Variants in DRC8 observed in about 807,000 individuals in gnomAD.
The protein encoded by DRC8 is dynein regulatory complex subunit 8, also known as dynein regulatory complex protein 8.
chr1:245,105,951 T>C, the DRC8 span, among the ~76,000 whole-genome samples: 3 of 152,154 alleles, frequency 2.0e-5, no homozygotes, highest in African/African-American at 7.2e-5. Flanking sequence ...TGGTGGCACA[T>C]GCCTGTAGTC....
the DRC8 span, among the ~76,000 whole-genome samples, chr1:245,065,170 A>C: frequency 7.4e-6 from 1 of 135,148 alleles, no homozygotes; most frequent in Non-Finnish European, 1.5e-5. Flanking sequence ...CAAATGATCT[A>C]CCTGCCTTGG....
At chr1:245,112,973 C>T in the DRC8 span, among the ~76,000 whole-genome samples, 11 of 152,008 alleles carry the variant, frequency 7.2e-5, no homozygotes, top group African/African-American at 2.2e-4. Context: ...AGGTTGGTCT[C>T]GAACTCCTGA....
chr1:245,019,827 T>A, the DRC8 span, among the ~76,000 whole-genome samples: 1 of 152,196 alleles, frequency 6.6e-6, no homozygotes, highest in East Asian at 1.9e-4. Context: ...TAGCTGGGCA[T>A]GGTGGTGTGC....
At chr1:245,118,795 A>AAAAAGAAAG in the DRC8 span, among the ~76,000 whole-genome samples, 1 of 138,484 alleles carries the variant, frequency 7.2e-6, no homozygotes, top group Non-Finnish European at 1.5e-5. Context: ...GCCATCTCAA[A>AAAAAGAAAG]AAAAGAAAAG....
At chr1:245,004,676 C>T in the DRC8 span, among the ~76,000 whole-genome samples, 1 of 152,190 alleles carries the variant, frequency 6.6e-6, no homozygotes, top group Admixed American at 6.5e-5. Flanking sequence ...CTCCCCTTAA[C>T]GTGTGTGCCA....
the DRC8 span, among the ~76,000 whole-genome samples, chr1:245,021,748 C>T: frequency 6.6e-6 from 1 of 152,126 alleles, no homozygotes; most frequent in African/African-American, 2.4e-5. Flanking sequence ...ATTTTATGTT[C>T]TTAAAGTAAA....
chr1:245,053,799 T>C, the DRC8 span, among the ~76,000 whole-genome samples: 1 of 152,096 alleles, frequency 6.6e-6, no homozygotes, highest in South Asian at 2.1e-4. Flanking sequence ...GAGAAGAGGA[T>C]GGTGATGGGT....
At chr1:245,087,650 T>C in the DRC8 span, 1 of 1,045,424 alleles carries the variant, frequency 9.6e-7, no homozygotes, top group African/African-American at 1.7e-5. Context: ...CACCTTCGAA[T>C]TAATTAAGCT....
chr1:244,974,008 A>T, the DRC8 span, among the ~76,000 whole-genome samples: 2 of 152,228 alleles, frequency 1.3e-5, no homozygotes, highest in Admixed American at 1.3e-4. Context: ...ATATTAGCTA[A>T]AAGTTTAACC....
chr1:245,008,584 A>G, the DRC8 span, among the ~76,000 whole-genome samples: 3,581 of 152,162 alleles, frequency 0.024, 157 homozygotes, highest in African/African-American at 0.082. Flanking sequence ...GAAATGTAAA[A>G]GCATTTTTCC....
At chr1:245,047,605 A>G in the DRC8 span, among the ~76,000 whole-genome samples, 43,053 of 141,818 alleles carry the variant, frequency 0.3, 6,576 homozygotes, top group Middle Eastern at 0.37. Context: ...ACGGCACTCC[A>G]GCCTGGTCGA....
At chr1:244,997,625 C>T in the DRC8 span, among the ~76,000 whole-genome samples, 1 of 149,462 alleles carries the variant, frequency 6.7e-6, no homozygotes, top group Non-Finnish European at 1.5e-5. Context: ...CTCACCACAA[C>T]CTCTGCCTCC....
the DRC8 span, among the ~76,000 whole-genome samples, chr1:245,057,021 C>T: frequency 6.6e-6 from 1 of 151,942 alleles, no homozygotes; most frequent in Non-Finnish European, 1.5e-5. Flanking sequence ...AATCAGCTCA[C>T]CCTTCCAAAA....
chr1:245,071,891 G>A, the DRC8 span, among the ~76,000 whole-genome samples: 12 of 152,308 alleles, frequency 7.9e-5, no homozygotes, highest in South Asian at 6.2e-4. Flanking sequence ...CAAGTATGTC[G>A]TGAAAGACTG....
the DRC8 span, among the ~76,000 whole-genome samples, chr1:245,076,947 G>C: frequency 2.6e-5 from 4 of 151,966 alleles, no homozygotes; most frequent in Non-Finnish European, 4.4e-5. Flanking sequence ...GGATGGTCTC[G>C]ATCTCCTGAC....
At chr1:245,061,367 G>C in the DRC8 span, among the ~76,000 whole-genome samples, 1 of 152,148 alleles carries the variant, frequency 6.6e-6, no homozygotes, top group African/African-American at 2.4e-5. Flanking sequence ...TGGGTGCTTA[G>C]GTCCTAAAGT....
the DRC8 span, among the ~76,000 whole-genome samples, chr1:244,991,730 C>G: frequency 2.8e-4 from 43 of 152,280 alleles, no homozygotes; most frequent in African/African-American, 9.9e-4. Context: ...GGCTCTGAAT[C>G]TCTAGAAAGT....
the DRC8 span, among the ~76,000 whole-genome samples, chr1:244,972,721 A>G: frequency 1.3e-5 from 2 of 151,722 alleles, no homozygotes; most frequent in African/African-American, 4.8e-5. Context: ...GGAGGCTGAG[A>G]CAGGAGAATT....
chr1:245,081,286 T>C, the DRC8 span, among the ~76,000 whole-genome samples: 6 of 149,194 alleles, frequency 4.0e-5, no homozygotes, highest in Admixed American at 2.7e-4. Flanking sequence ...CTCAGCCTCC[T>C]GAGTAGCTGG....
Sources: allele counts gnomAD v4.1 joint callset (sites outside exome capture counted in the v4.1 genomes callset), GRCh38; gene constraint gnomAD v4.1.1; transcripts MANE v1.5; gene names NCBI Gene and HGNC (gene_info 2026-07-23, HGNC 2026-07-21).